The following LMBRD1 variants were observed in gnomAD, a reference collection of about 807,000 sequenced individuals.
LMBRD1 encodes the protein LMBR1 domain containing 1, also known as lysosomal cobalamin transport escort protein LMBD1.
Under a neutral mutation model 74.8 loss-of-function variants are expected in LMBRD1, and 64 were observed. The observed-to-expected ratio is 0.86, with a 90% CI of 0.70 to 1.05. LMBRD1 has a LOEUF of 1.05. LMBRD1 is among the 50% of genes least tolerant of loss of function. LMBRD1 has a pLI of 0.00. For missense variants in LMBRD1, 652 were observed against 645.9 expected (o/e 1.01, Z -0.10); for synonymous variants, 204 against 216.3 (o/e 0.94, Z 0.50).
chr6:69,770,470 A>G (rs1325264185), intron 3 of LMBRD1, among the ~76,000 whole-genome samples: 2 of 152,268 alleles, frequency 1.3e-5, no homozygotes, highest in Admixed American at 6.5e-5. Context: ...GTCCAACTTC[A>G]TATTTGTTTT....
At chr6:69,683,392 T>C (rs572073223) in intron 14 of LMBRD1, among the ~76,000 whole-genome samples, 1 of 152,100 alleles carries the variant, frequency 6.6e-6, no homozygotes, top group Admixed American at 6.5e-5. Flanking sequence ...GTTTATTTAA[T>C]AGTTAAACTT....
Position 69,744,867 on chromosome 6 carries a change from G to A in LMBRD1, c.474-2990C>T, listed in dbSNP as rs898513447. ...GTAACTCTTTTTTTTTTTTTAAGAC[G>A]GAATCTCACTCTGTTGCCAGGCTGG... is the stretch of plus-strand genomic sequence containing the variant. On this transcript the variant is annotated intron_variant, in intron 5 of 15. Transcript: ENST00000649934. 9.4e-5 allele frequency among the ~76,000 whole-genome samples: 14 copies of A among 148,734 alleles called. No homozygotes were observed. In the East Asian group the frequency reaches 1.6e-3, roughly 17 times the overall value.
chr6:69,779,068 C>T (rs1765768363), intron 3 of LMBRD1, among the ~76,000 whole-genome samples: 1 of 151,844 alleles, frequency 6.6e-6, no homozygotes, highest in Non-Finnish European at 1.5e-5. Context: ...TGCCTGTAAT[C>T]CCAGCTACTC....
At chr6:69,676,664 G>A in intron 14 of LMBRD1, 123 bp from the exon 15 acceptor site, 1 of 797,766 alleles carries the variant, frequency 1.3e-6, no homozygotes. Context: ...GTAAGTGTCA[G>A]AGATGGTACT....
Position 69,718,960 on chromosome 6 carries a change from G to T in LMBRD1, c.758C>A (p.Ser253Ter). ...TACACCAAAACATCAACTCACTTTT[G>T]ATTTAATCGTTTGAATGTGTTGTTC... The part of the protein sequence containing the change: ...EVEQHIQTIK[S>*]KSKDGRPLPA... Residue 253 changes from serine (S) to a stop codon, truncating the protein, a stop_gained, in exon 8 of 16, where the codon TCA (serine) becomes TAA (stop). Coordinates refer to ENST00000649934, the MANE Select transcript of LMBRD1 (RefSeq NM_018368.4). LOFTEE classifies it high-confidence loss of function. 1 of 1,613,200 alleles carries T rather than the reference G, an allele frequency of 6.2e-7. No individual in the cohort carries two copies. Among genetic ancestry groups the T allele is most frequent in the South Asian group, 1.1e-5 (1 of 91,008 alleles).
At chr6:69,714,085 T>A (rs1264001829) in intron 8 of LMBRD1, among the ~76,000 whole-genome samples, 1 of 151,998 alleles carries the variant, frequency 6.6e-6, no homozygotes, top group Non-Finnish European at 1.5e-5. Flanking sequence ...CCACAAAAAG[T>A]ATGTTTGATA....
intron 8 of LMBRD1, among the ~76,000 whole-genome samples, chr6:69,714,745 T>C (rs1459590811): frequency 6.6e-6 from 1 of 152,098 alleles, no homozygotes; most frequent in Non-Finnish European, 1.5e-5. Context: ...AGAGAAAACC[T>C]ATGTAACCTT....
At chr6:69,703,456 A>C (rs1386655219) in intron 9 of LMBRD1, among the ~76,000 whole-genome samples, 1 of 93,116 alleles carries the variant, frequency 1.1e-5, no homozygotes, top group Non-Finnish European at 1.9e-5. Flanking sequence ...CCATTTTGGC[A>C]AAAAAAAAAA....
intron 14 of LMBRD1, among the ~76,000 whole-genome samples, chr6:69,681,982 C>T (rs939548072): frequency 2.6e-5 from 4 of 151,570 alleles, no homozygotes; most frequent in Non-Finnish European, 4.4e-5. Flanking sequence ...GAAGACTATA[C>T]AACTGGAAAA....
chr6:69,761,580 C>A (rs749088561), intron 3 of LMBRD1, among the ~76,000 whole-genome samples: 3 of 152,174 alleles, frequency 2.0e-5, no homozygotes, highest in Non-Finnish European at 4.4e-5. Flanking sequence ...ATAATATACA[C>A]AGAACTGTAT....
At chr6:69,711,616 G>A (rs1582075572) in intron 9 of LMBRD1, among the ~76,000 whole-genome samples, 1 of 152,024 alleles carries the variant, frequency 6.6e-6, no homozygotes, top group Non-Finnish European at 1.5e-5. Context: ...AAAAAACTGG[G>A]ATGAATTTTT....
chr6:69,756,177 A>G (rs1765262977), intron 3 of LMBRD1, among the ~76,000 whole-genome samples: 1 of 152,174 alleles, frequency 6.6e-6, no homozygotes, highest in Non-Finnish European at 1.5e-5. Context: ...CCTGGCCAAC[A>G]TAATGAGATC....
intron 9 of LMBRD1, among the ~76,000 whole-genome samples, chr6:69,711,249 T>C (rs1766377017): frequency 6.6e-6 from 1 of 152,136 alleles, no homozygotes; most frequent in African/African-American, 2.4e-5. Context: ...TCCATTTATT[T>C]AAAATTCCAG....
chr6:69,771,919 T>C (rs1765585377), intron 3 of LMBRD1, among the ~76,000 whole-genome samples: 2 of 152,134 alleles, frequency 1.3e-5, no homozygotes, highest in Admixed American at 6.5e-5. Context: ...TAGATAAATT[T>C]TGAAAATCAA....
intron 7 of LMBRD1, among the ~76,000 whole-genome samples, chr6:69,737,086 C>T (rs1352819095): frequency 6.6e-6 from 1 of 152,094 alleles, no homozygotes; most frequent in Non-Finnish European, 1.5e-5. Context: ...CTAAATTCTG[C>T]TCTTACGATA....
intron 4 of LMBRD1, among the ~76,000 whole-genome samples, chr6:69,749,798 T>C (rs1163943735): frequency 6.7e-6 from 1 of 150,116 alleles, no homozygotes; most frequent in East Asian, 1.9e-4. Flanking sequence ...AATATATACG[T>C]TTGTGTTTGA....
chr6:69,704,919 T>TTTTTTCC, intron 9 of LMBRD1, among the ~76,000 whole-genome samples: 1 of 150,454 alleles, frequency 6.6e-6, no homozygotes, highest in African/African-American at 2.4e-5. Context: ...TTTTTTTTTT[T>TTTTTTCC]CCACTTTTAC....
intron 9 of LMBRD1, chr6:69,706,075 T>C: frequency 1.4e-6 from 1 of 693,796 alleles, no homozygotes; most frequent in South Asian, 1.4e-5. Context: ...CTTAAAGTGA[T>C]AATCTTTGTC....
chr6:69,783,761 A>C (rs1765887851), intron 2 of LMBRD1, among the ~76,000 whole-genome samples: 2 of 152,206 alleles, frequency 1.3e-5, no homozygotes, highest in Admixed American at 1.3e-4. Context: ...TATGTTATAC[A>C]AACTTCCCAC....
Sources: allele counts gnomAD v4.1 joint callset (sites outside exome capture counted in the v4.1 genomes callset), GRCh38; gene constraint gnomAD v4.1.1; transcripts MANE v1.5; gene names NCBI Gene and HGNC (gene_info 2026-07-23, HGNC 2026-07-21).